ADAM7: variants seen among roughly 807,000 people sequenced by gnomAD.
The protein encoded by ADAM7 is ADAM metallopeptidase domain 7.
Under a neutral mutation model 102.9 loss-of-function variants are expected in ADAM7, and 97 were observed. The observed-to-expected ratio is 0.94, with a 90% CI of 0.80 to 1.12. ADAM7 has a LOEUF of 1.12. Among genes scored for constraint, ADAM7 ranks in the 50% most tolerant of loss-of-function variants. ADAM7 has a pLI of 0.00. For synonymous variants in ADAM7, 334 were observed against 304.4 expected (o/e 1.10, Z -1.01); for missense variants, 991 against 908.7 (o/e 1.09, Z -1.16).
chr8:24,464,978 G>A (rs1347410972), intron 4 of ADAM7, among the ~76,000 whole-genome samples: 1 of 152,046 alleles, frequency 6.6e-6, no homozygotes, highest in East Asian at 1.9e-4. Context: ...GTAGAGGCGG[G>A]GTTTCACCAT....
chr8:24,471,747 T>C (rs1218500352), intron 7 of ADAM7, among the ~76,000 whole-genome samples: 1 of 151,850 alleles, frequency 6.6e-6, no homozygotes, highest in African/African-American at 2.4e-5. Context: ...TATAACTATA[T>C]TACATATATA....
Position 24,476,479 on chromosome 8 carries a change from G to C in ADAM7, c.680G>C (p.Trp227Ser). The change falls in exon 8 of 22, where the codon TGG becomes TCG. Residue 227 changes from tryptophan to serine, a missense_variant. Physicochemically the swap from Trp to Ser is radical, Grantham distance 177 (BLOSUM62 -3). Coordinates refer to ENST00000175238, the MANE Select transcript of ADAM7 (RefSeq NM_003817.4). The part of the protein sequence containing the change: ...HPHNKLRNRI[W>S]GMVNFVNMIY... ...CACAATAAACTAAGGAACCGAATTTGGGGAATGGTCAATTTTGTCAACATG... is the reference window on the plus strand; with the variant it reads ...CACAATAAACTAAGGAACCGAATTTCGGGAATGGTCAATTTTGTCAACATG... The C allele has an allele frequency of 1.2e-6, 2 of 1,609,052 alleles. No homozygotes were observed. The highest frequency in any genetic ancestry group is 1.7e-6 in the Non-Finnish European group (2 of 1,176,724).
intron 3 of ADAM7, among the ~76,000 whole-genome samples, chr8:24,459,645 A>AGAT (rs1462676084): frequency 2.6e-5 from 4 of 152,028 alleles, no homozygotes; most frequent in African/African-American, 9.7e-5. Flanking sequence ...CTTTTTGTAA[A>AGAT]GATGGGTTTT....
At chr8:24,455,514 T>C (rs1173955000) in intron 3 of ADAM7, among the ~76,000 whole-genome samples, 1 of 152,172 alleles carries the variant, frequency 6.6e-6, no homozygotes, top group Admixed American at 6.5e-5. Flanking sequence ...GCTCAGGTGA[T>C]CCTCCCACCT....
rs1416773607 is a variant in ADAM7, at chr8:24,508,583, T to C, written c.*37T>C. ...GATATCCAAAATGGCCGTGCAAGCTTAGGCTGGGGATTCTGGATGCAACGT... is the reference window on the plus strand; with the variant it reads ...GATATCCAAAATGGCCGTGCAAGCTCAGGCTGGGGATTCTGGATGCAACGT... On this transcript the variant is annotated 3_prime_UTR_variant, in exon 22 of 22. Transcript: ENST00000175238. The C allele has an allele frequency of 4.3e-6, 7 of 1,613,264 alleles. No individual in the cohort carries two copies. The African/African-American group carries it at 8.0e-5, about 18-fold the overall frequency.
At position 24,465,767 on chromosome 8, in the gene ADAM7, T is replaced by A. The variant is rs1264765061; in HGVS notation, c.381T>A (p.Asn127Lys). The A allele has an allele frequency of 6.3e-7, 1 of 1,599,128 alleles. No individual in the cohort carries two copies. The highest frequency in any genetic ancestry group is 8.5e-7 in the Non-Finnish European group (1 of 1,173,000). The change falls in exon 5 of 22, where the codon AAT becomes AAA. Residue 127 changes from asparagine (N) to lysine (K), a missense_variant. Asn to Lys is a moderately conservative substitution (Grantham distance 94). Coordinates refer to ENST00000175238, the MANE Select transcript of ADAM7 (RefSeq NM_003817.4). ...YDSAASISTC[N>K]GLRGFFRIND... ...CAGCTGCCAGTATCAGTACGTGTAATGGTCTAAGGTAATGCAGAATATCTT... is the reference window on the plus strand; with the variant it reads ...CAGCTGCCAGTATCAGTACGTGTAAAGGTCTAAGGTAATGCAGAATATCTT...
rs371616825 is a variant in ADAM7, at chr8:24,476,518, C to T, written c.705+14C>T. The T allele has an allele frequency of 2.5e-6, 4 of 1,594,380 alleles. No individual in the cohort carries two copies. The African/African-American group carries it at 5.4e-5, about 21-fold the overall frequency. On this transcript the variant is annotated intron_variant, in intron 8 of 21. Coordinates refer to ENST00000175238, the MANE Select transcript of ADAM7 (RefSeq NM_003817.4). Reference sequence around the variant, plus strand: ...TTTGTCAACATGGTAAGATTTGATACAGTTTTTGAATCAAGCCAATAATAC... The same window carrying T: ...TTTGTCAACATGGTAAGATTTGATATAGTTTTTGAATCAAGCCAATAATAC...
intron 20 of ADAM7, among the ~76,000 whole-genome samples, chr8:24,502,562 T>G (rs892721386): frequency 1.3e-5 from 2 of 151,990 alleles, no homozygotes. Flanking sequence ...GCAACATCAA[T>G]GAAGATACTA....
intron 3 of ADAM7, among the ~76,000 whole-genome samples, chr8:24,456,780 G>A (rs1030616916): frequency 6.6e-6 from 1 of 152,082 alleles, no homozygotes; most frequent in Admixed American, 6.6e-5. Context: ...GCATTTATCA[G>A]AGGTTTGCTT....
In ADAM7 at chr8:24,508,828, G is replaced by C; in HGVS notation, c.*282G>C. On this transcript the variant is annotated 3_prime_UTR_variant, in exon 22 of 22. Coordinates refer to ENST00000175238, the MANE Select transcript of ADAM7 (RefSeq NM_003817.4). ...TATAAAAATTCGTAACCTTGCTGTA[G>C]TATTTTCCTACAAAATGTTACTCTG... 1 of 1,221,208 alleles carries C rather than the reference G, an allele frequency of 8.2e-7. No homozygotes were observed. The highest frequency in any genetic ancestry group is 1.0e-6 in the Non-Finnish European group (1 of 980,518). The allele number at this position is 1,221,208 out of a possible 1,614,324, so 75.6% of individuals were successfully genotyped here. A position where few individuals can be genotyped will look rare whatever the true frequency, so the allele number is the denominator to read the frequency against.
intron 14 of ADAM7, 122 bp from the exon 15 acceptor site, chr8:24,492,373 A>T: frequency 2.5e-6 from 2 of 785,522 alleles, no homozygotes; most frequent in Non-Finnish European, 4.0e-6. Flanking sequence ...TAAATAATTT[A>T]TTCCATTCTA....
Position 24,447,263 on chromosome 8 carries a change from GTAAGTTC to G in ADAM7, c.233+4_233+10del. 6.6e-7 allele frequency: 1 copy of G among 1,507,838 alleles called. No homozygotes were observed. Among genetic ancestry groups the G allele is most frequent in the Non-Finnish European group, 9.1e-7 (1 of 1,104,442 alleles). The allele number at this position is 1,507,838 out of a possible 1,614,324, so 93.4% of individuals were successfully genotyped here. A position where few individuals can be genotyped will look rare whatever the true frequency, so the allele number is the denominator to read the frequency against. On this transcript the variant is annotated splice_donor_variant and splice_donor_5th_base_variant and intron_variant, in intron 3 of 21. Transcript: ENST00000175238. LOFTEE classifies it high-confidence loss of function. ...TAGTCCTTCATCTTCTAAGATCCAG[GTAAGTTC>G]TATTGTGATTCCAGTACCTTATAGA...
chr8:24,480,389 T>C (rs1286861586), intron 8 of ADAM7, among the ~76,000 whole-genome samples: 2 of 152,104 alleles, frequency 1.3e-5, no homozygotes, highest in African/African-American at 2.4e-5. Context: ...ACAGAGCCCA[T>C]ACTCACGTTA....
At chr8:24,453,887 C>T (rs560991272) in intron 3 of ADAM7, among the ~76,000 whole-genome samples, 1 of 152,350 alleles carries the variant, frequency 6.6e-6, no homozygotes, top group Non-Finnish European at 1.5e-5. Flanking sequence ...CCCTCAGCTG[C>T]AGGTCTGTTG....
chr8:24,448,887 G>A (rs1292095803), intron 3 of ADAM7, among the ~76,000 whole-genome samples: 1 of 152,040 alleles, frequency 6.6e-6, no homozygotes, highest in African/African-American at 2.4e-5. Flanking sequence ...CCACCTGTGA[G>A]TGAGAATATG....
At chr8:24,448,140 C>A (rs1376321912) in intron 3 of ADAM7, among the ~76,000 whole-genome samples, 1 of 152,128 alleles carries the variant, frequency 6.6e-6, no homozygotes, top group African/African-American at 2.4e-5. Context: ...ATTTCTATCT[C>A]TGTTACTTTT....
chr8:24,496,648 T>G (rs113361655), intron 16 of ADAM7, among the ~76,000 whole-genome samples: 2,108 of 152,306 alleles, frequency 0.014, 47 homozygotes, highest in African/African-American at 0.047. Flanking sequence ...ATTTTGGAGC[T>G]TTAAGATTTG....
intron 9 of ADAM7, 136 bp from the exon 10 acceptor site, chr8:24,485,141 A>C: frequency 1.3e-6 from 1 of 762,816 alleles, no homozygotes; most frequent in South Asian, 1.7e-5. Flanking sequence ...GTCAGCCTCA[A>C]TTCCAAAACT....
chr8:24,483,048 C>A (rs1256473773), intron 9 of ADAM7, among the ~76,000 whole-genome samples: 1 of 152,120 alleles, frequency 6.6e-6, no homozygotes, highest in Non-Finnish European at 1.5e-5. Flanking sequence ...GGTGGCCAGC[C>A]CTTCAATACC....
Sources: gnomAD v4.1 joint callset for allele counts (sites outside exome capture counted in the v4.1 genomes callset) on GRCh38, gnomAD v4.1.1 for gene constraint, MANE v1.5 for transcripts, NCBI Gene and HGNC (gene_info 2026-07-23, HGNC 2026-07-21) for gene names.